The following IL13RA1 variants were observed in gnomAD, a reference collection of about 807,000 sequenced individuals.
The protein encoded by IL13RA1 is interleukin 13 receptor subunit alpha 1, also known as interleukin-13 receptor subunit alpha-1.
A neutral mutation model predicts 33.8 loss-of-function variants in IL13RA1; 14 were observed. That is an observed-to-expected ratio of 0.41 (90% confidence interval 0.27 to 0.65). IL13RA1 has a LOEUF of 0.65. IL13RA1 is among the 30% of genes least tolerant of loss of function. The pLI is 0.28. For missense variants in IL13RA1, 313 were observed against 327.0 expected, an observed-to-expected ratio of 0.96 and a Z score of 0.33; for synonymous variants, 116 against 115.7, an observed-to-expected ratio of 1.00 and a Z score of -0.02.
chrX:118,746,856 T>A, intron 2 of IL13RA1, 98 bp from the exon 3 acceptor site: 1 of 617,215 alleles, frequency 1.6e-6, no homozygotes, highest in Non-Finnish European at 2.6e-6. Context: ...TTTGATAACT[T>A]TTTTGATAAA....
chrX:118,799,602 T>G, the IL13RA1 span, among the ~76,000 whole-genome samples: 42 of 96,150 alleles, frequency 4.4e-4, no homozygotes, highest in African/African-American at 1.1e-3. Flanking sequence ...ACACCAATCA[T>G]CACCCTGTGT....
At chrX:118,787,564 A>C (rs2017933177) in intron 10 of IL13RA1, among the ~76,000 whole-genome samples, 1 of 111,573 alleles carries the variant, frequency 9.0e-6, no homozygotes, top group African/African-American at 3.3e-5. Context: ...GAAATTTCCT[A>C]ATCCTAATAA....
intron 9 of IL13RA1, among the ~76,000 whole-genome samples, chrX:118,776,026 G>A (rs191789217): frequency 4.5e-5 from 5 of 111,086 alleles, no homozygotes; most frequent in African/African-American, 1.6e-4. Flanking sequence ...ACTGGGAGAT[G>A]GAGGCAAGCT....
intron 8 of IL13RA1, chrX:118,770,852 G>GA: frequency 3.8e-6 from 1 of 264,356 alleles, no homozygotes; most frequent in Non-Finnish European, 7.1e-6. Flanking sequence ...TGACAATGAG[G>GA]AGGAGGGGTG....
At chrX:118,797,742 G>A (rs2018039410), downstream of IL13RA1, among the ~76,000 whole-genome samples, 1 of 112,356 alleles carries the variant, frequency 8.9e-6, no homozygotes, top group Admixed American at 9.4e-5. Context: ...GCAGAAGAGG[G>A]AGAAAGAGCC....
chrX:118,801,569 C>T, the IL13RA1 span, among the ~76,000 whole-genome samples: 1 of 111,848 alleles, frequency 8.9e-6, no homozygotes, highest in Non-Finnish European at 1.9e-5. Flanking sequence ...TCTTTTGGTT[C>T]TGCTTTTTGG....
intron 4 of IL13RA1, among the ~76,000 whole-genome samples, chrX:118,755,559 T>C (rs373928673): frequency 7.4e-4 from 83 of 111,813 alleles, no homozygotes; most frequent in Middle Eastern, 9.2e-3. Flanking sequence ...AGAAATGTTA[T>C]CTATTCAGAA....
intron 1 of IL13RA1, among the ~76,000 whole-genome samples, chrX:118,737,283 A>G (rs2017292998): frequency 8.9e-6 from 1 of 112,766 alleles, no homozygotes; most frequent in African/African-American, 3.2e-5. Context: ...ACTACTATGT[A>G]AAAGCTGACA....
At chrX:118,800,522 G>A in the IL13RA1 span, among the ~76,000 whole-genome samples, 1 of 110,744 alleles carries the variant, frequency 9.0e-6, no homozygotes, top group South Asian at 3.8e-4. Context: ...CCCACCAGAA[G>A]GAAGAAACTC....
chrX:118,770,256 C>T (rs1226426031), intron 8 of IL13RA1: 1 of 326,333 alleles, frequency 3.1e-6, no homozygotes, highest in South Asian at 2.7e-5. Flanking sequence ...GCCCATCGTG[C>T]ACCCTGCAAT....
chrX:118,761,280 T>A lies in IL13RA1; in HGVS notation c.819T>A (p.Asn273Lys). 1.0e-6 allele frequency: 1 copy of A among 1,000,043 alleles called. No homozygotes were observed. Among genetic ancestry groups the A allele is most frequent in the Non-Finnish European group, 1.4e-6 (1 of 729,495 alleles). 82.4% of individuals were successfully genotyped at this position (1,000,043 alleles called of 1,213,427 possible). ...EVNNSQTETHNVFYVQEAKCE... is the reference protein window; with the variant it reads ...EVNNSQTETHKVFYVQEAKCE... ...ATAACAGCCAAACTGAGACACATAA[T>A]GTTTTCTACGTAAGGTTTTAAAATT... The change falls in exon 6 of 11, where the codon AAT (asparagine) becomes AAA (lysine). Residue 273 changes from asparagine (N) to lysine (K), a missense_variant. Asn to Lys is a moderately conservative substitution (Grantham distance 94). Transcript: ENST00000371666.
chrX:118,742,769 A>G (rs1008326643), intron 2 of IL13RA1, among the ~76,000 whole-genome samples: 3 of 111,104 alleles, frequency 2.7e-5, no homozygotes, highest in Non-Finnish European at 5.7e-5. Context: ...GCGGGTAATA[A>G]TAGTACCAAC....
rs183467302 is a variant in IL13RA1 at position 118,741,045 on chromosome X, T to A, written c.117T>A (p.Ser39Arg). Reference protein sequence around the residue: ...TETQPPVTNLSVSVENLCTVI... With the variant: ...TETQPPVTNLRVSVENLCTVI... ...CTCAGCCACCTGTGACAAATTTGAG[T>A]GTCTCTGTTGAAAACCTCTGCACAG... is the stretch of plus-strand genomic sequence containing the variant. The change falls in exon 2 of 11, where the codon AGT (serine) becomes AGA (arginine). Residue 39 changes from serine (S) to arginine (R), a missense_variant. By Grantham distance (110) the Ser-to-Arg change is moderately radical. Transcript: ENST00000371666. 8.8e-5 allele frequency: 98 copies of A among 1,115,170 alleles called. No homozygotes were observed. In the Admixed American group the frequency reaches 2.1e-3, roughly 24 times the overall value. The allele number at this position is 1,115,170 out of a possible 1,213,427, so 91.9% of individuals were successfully genotyped here.
intron 1 of IL13RA1, among the ~76,000 whole-genome samples, chrX:118,733,642 A>G (rs748846707): frequency 2.7e-5 from 3 of 111,578 alleles, no homozygotes; most frequent in East Asian, 5.6e-4. Flanking sequence ...CAATTCGTCA[A>G]TTTTTTCTTT....
At chrX:118,799,970 C>T in the IL13RA1 span, among the ~76,000 whole-genome samples, 2 of 101,394 alleles carry the variant, frequency 2.0e-5, no homozygotes, top group African/African-American at 7.3e-5. Flanking sequence ...CACTCTGTAT[C>T]TAGCTGAAGG....
downstream of IL13RA1, among the ~76,000 whole-genome samples, chrX:118,796,755 C>T (rs2018034301): frequency 8.9e-6 from 1 of 112,046 alleles, no homozygotes; most frequent in Admixed American, 9.4e-5. Flanking sequence ...AGGCTGGTCT[C>T]GAACTCCCGG....
chrX:118,800,429 G>C, the IL13RA1 span, among the ~76,000 whole-genome samples: 2 of 110,521 alleles, frequency 1.8e-5, no homozygotes, highest in Admixed American at 9.6e-5. Flanking sequence ...GAGGAACGAA[G>C]AACTCCAGAC....
At chrX:118,784,086 A>AT (rs1569459346) in intron 10 of IL13RA1, among the ~76,000 whole-genome samples, 10 of 53,388 alleles carry the variant, frequency 1.9e-4, no homozygotes, top group African/African-American at 8.6e-4. Context: ...CCAAAAAAAA[A>AT]AAAAATATAT....
rs190906715 is a variant in IL13RA1, at chrX:118,757,933, C to T, written c.489-122C>T. ...TTCCAACTCCTGACCTCAAGTGATC[C>T]GCCTGCCTCAGCCTCCAAAAGTGCT... On this transcript the variant is annotated intron_variant, in intron 4 of 10. Coordinates refer to ENST00000371666, the MANE Select transcript of IL13RA1 (RefSeq NM_001560.3). 598 of 407,346 alleles carry T rather than the reference C, an allele frequency of 1.5e-3. 6 individuals carry two copies. The Admixed American group carries it at 0.019, about 13-fold the overall frequency. The allele number at this position is 407,346 out of a possible 1,213,427, so 33.6% of individuals were successfully genotyped here.
Sources: gnomAD v4.1 joint callset for allele counts (sites outside exome capture counted in the v4.1 genomes callset) on GRCh38, gnomAD v4.1.1 for gene constraint, MANE v1.5 for transcripts, NCBI Gene and HGNC (gene_info 2026-07-23, HGNC 2026-07-21) for gene names.